OR2A1: variants seen among roughly 807,000 people sequenced by gnomAD.
OR2A1 encodes olfactory receptor family 2 subfamily A member 1, also known as olfactory receptor 2A1/2A42.
For missense variants in OR2A1, 1 was observed against 212.3 expected (o/e 0.00, Z 6.19); for synonymous variants, 2 against 94.7 (o/e 0.02, Z 5.68).
rs368083538 is a variant in OR2A1, at chr7:144,320,426, G to GCGCGCA, written c.*1370_*1371insGCGCAC. 2 of 124,192 alleles carry GCGCGCA rather than the reference G, an allele frequency of 1.6e-5. No individual in the cohort carries two copies. Among genetic ancestry groups the GCGCGCA allele is most frequent in the African/African-American group, 7.7e-5 (2 of 26,128 alleles). The allele number at this position is 124,192 out of a possible 1,614,324, so 7.7% of individuals were successfully genotyped here. On this transcript the variant is annotated 3_prime_UTR_variant, in exon 2 of 2. Transcript: ENST00000641044. ...CTCACATGCTCACGTACATGCGTGTGCACACACACACACACACACACACAT... is the reference window on the plus strand; with the variant it reads ...CTCACATGCTCACGTACATGCGTGTGCGCGCACACACACACACACACACACACACAT...
intron 1 of OR2A1, among the ~76,000 whole-genome samples, chr7:144,313,300 C>A (rs1388692118): frequency 1.0e-5 from 1 of 97,712 alleles, no homozygotes. Flanking sequence ...CTACCATATT[C>A]CAGGCACAAT....
intron 1 of OR2A1, among the ~76,000 whole-genome samples, chr7:144,313,417 T>G (rs1282268509): frequency 2.4e-5 from 2 of 84,450 alleles, no homozygotes; most frequent in Non-Finnish European, 4.5e-5. Flanking sequence ...TTGTTGTTTG[T>G]TTTTTTACCA....
intron 1 of OR2A1, among the ~76,000 whole-genome samples, chr7:144,316,060 C>G (rs1487718878): frequency 1.4e-5 from 2 of 147,794 alleles, no homozygotes; most frequent in African/African-American, 4.9e-5. Context: ...CATTTCACAA[C>G]CAAATATTTC....
intron 1 of OR2A1, among the ~76,000 whole-genome samples, chr7:144,313,413 T>TTTGTTTGC: frequency 1.3e-5 from 1 of 76,054 alleles, no homozygotes; most frequent in Non-Finnish European, 2.4e-5. Context: ...TTTGTTGTTG[T>TTTGTTTGC]TTGTTTTTTT....
Position 144,315,379 on chromosome 7 carries a change from C to A in OR2A1, c.-4-2742C>A, listed in dbSNP as rs1482765419. ...TGGTTAAAAAAACTATGCATTCATT[C>A]ATTTATTCATTTGTATTTATTCATT... is the stretch of plus-strand genomic sequence containing the variant. On this transcript the variant is annotated intron_variant, in intron 1 of 1. Coordinates refer to ENST00000641044, the MANE Select transcript of OR2A1 (RefSeq NM_001005287.2). Among the ~76,000 whole-genome samples, 2 of 56,384 alleles carry A rather than the reference C, an allele frequency of 3.5e-5. 1 individual carries two copies. Among genetic ancestry groups the A allele is most frequent in the Non-Finnish European group, 7.0e-5 (2 of 28,708 alleles). 37.0% of individuals were successfully genotyped at this position (56,384 alleles called of 152,430 possible). A position where few individuals can be genotyped will look rare whatever the true frequency, so the allele number is the denominator to read the frequency against.
chr7:144,313,427 A>G lies in OR2A1; in HGVS notation c.-5+880A>G, dbSNP rs544218796. 2.2e-3 allele frequency among the ~76,000 whole-genome samples: 183 copies of G among 84,062 alleles called. 5 individuals are homozygous for G. The highest frequency in any genetic ancestry group is 7.1e-3 in the African/African-American group (119 of 16,714). The allele number at this position is 84,062 out of a possible 152,430, so 55.1% of individuals were successfully genotyped here. ...TTTTGTTGTTGTTTGTTTTTTTACCATCTTTGGACTGAATCTGGAATTTCT... is the reference window on the plus strand; with the variant it reads ...TTTTGTTGTTGTTTGTTTTTTTACCGTCTTTGGACTGAATCTGGAATTTCT... On this transcript the variant is annotated intron_variant, in intron 1 of 1. Transcript: ENST00000641044.
At position 144,320,823 on chromosome 7, in the gene OR2A1, CA is replaced by C. The variant is rs1294230529; in HGVS notation, c.*1769del. On this transcript the variant is annotated 3_prime_UTR_variant, in exon 2 of 2. Coordinates refer to ENST00000641044, the MANE Select transcript of OR2A1 (RefSeq NM_001005287.2). ...GGGGAAAAACAAACAAACAAACAAA[CA>C]AACAAACAAAAAACAGCTTTTTTTA... 3 of 44,978 alleles carry C rather than the reference CA, an allele frequency of 6.7e-5. No individual in the cohort carries two copies. Among genetic ancestry groups the C allele is most frequent in the South Asian group, 6.3e-4 (1 of 1,578 alleles). The allele number at this position is 44,978 out of a possible 1,614,324, so 2.8% of individuals were successfully genotyped here.
In OR2A1 at chr7:144,321,802, G is replaced by A. The variant is rs536027044; in HGVS notation, c.*2745G>A. ...GATAAACTGTTATGATTACCCTGCTGTCAGAAGTTATTTTAATCCTGTCAG... is the reference window on the plus strand; with the variant it reads ...GATAAACTGTTATGATTACCCTGCTATCAGAAGTTATTTTAATCCTGTCAG... On this transcript the variant is annotated 3_prime_UTR_variant, in exon 2 of 2. Coordinates refer to ENST00000641044, the MANE Select transcript of OR2A1 (RefSeq NM_001005287.2). The A allele has an allele frequency of 6.7e-6, 1 of 148,938 alleles. No homozygotes were observed. The highest frequency in any genetic ancestry group is 2.5e-5 in the African/African-American group (1 of 39,598). The allele number at this position is 148,938 out of a possible 1,614,324, so 9.2% of individuals were successfully genotyped here.
upstream of OR2A1, among the ~76,000 whole-genome samples, chr7:144,312,201 GA>G (rs1467414467): frequency 3.1e-4 from 29 of 94,002 alleles, 9 homozygotes; most frequent in Non-Finnish European, 4.6e-4. Flanking sequence ...AACAGAAATA[GA>G]AAAAACCAAT....
Position 144,321,414 on chromosome 7 carries a change from G to C in OR2A1, c.*2357G>C, listed in dbSNP as rs1344407427. On this transcript the variant is annotated 3_prime_UTR_variant, in exon 2 of 2. Transcript: ENST00000641044. ...GATGAATACTCCCCTGGTACCAGAG[G>C]AGCAGCAGGAAATCATGGTGTGCAG... 1.4e-5 allele frequency: 2 copies of C among 146,016 alleles called. No individual in the cohort carries two copies. Among genetic ancestry groups the C allele is most frequent in the East Asian group, 3.9e-4 (2 of 5,116 alleles). The allele number at this position is 146,016 out of a possible 1,614,324, so 9.0% of individuals were successfully genotyped here.
In OR2A1 at chr7:144,320,841, C is replaced by CT. The variant is rs1163887094; in HGVS notation, c.*1791dup. The CT allele has an allele frequency of 4.8e-5, 2 of 42,002 alleles. No homozygotes were observed. The highest frequency in any genetic ancestry group is 2.3e-4 in the Admixed American group (1 of 4,346). 2.6% of individuals were successfully genotyped at this position (42,002 alleles called of 1,614,324 possible). A position where few individuals can be genotyped will look rare whatever the true frequency, so the allele number is the denominator to read the frequency against. On this transcript the variant is annotated 3_prime_UTR_variant, in exon 2 of 2. Coordinates refer to ENST00000641044, the MANE Select transcript of OR2A1 (RefSeq NM_001005287.2). Reference sequence around the variant, plus strand: ...AAACAAACAAACAAACAAAAAACAGCTTTTTTTATACTGGTGCGTGAAATG... The same window carrying CT: ...AAACAAACAAACAAACAAAAAACAGCTTTTTTTTATACTGGTGCGTGAAATG...
chr7:144,313,481 C>T (rs1336438644), intron 1 of OR2A1, among the ~76,000 whole-genome samples: 4 of 136,212 alleles, frequency 2.9e-5, no homozygotes, highest in African/African-American at 5.4e-5. Context: ...CTACTATAAT[C>T]GGTATACTTG....
chr7:144,316,024 A>AT (rs1369406204), intron 1 of OR2A1, among the ~76,000 whole-genome samples: 5 of 139,482 alleles, frequency 3.6e-5, no homozygotes, highest in Non-Finnish European at 7.9e-5. Context: ...ATAAATAAAG[A>AT]TGTTTATAAG....
At chr7:144,316,851 T>TG (rs2053090671) in intron 1 of OR2A1, among the ~76,000 whole-genome samples, 1 of 382 alleles carries the variant, frequency 2.6e-3, no homozygotes, top group African/African-American at 9.4e-3. Flanking sequence ...CCAGAGAAGC[T>TG]TTTTCTTCAG....
chr7:144,313,420 T>TTTGTTTG lies in OR2A1; in HGVS notation c.-5+875_-5+876insGTTTGTT, dbSNP rs1178035536. Among the ~76,000 whole-genome samples, 7 of 68,614 alleles carry TTTGTTTG rather than the reference T, an allele frequency of 1.0e-4. No homozygotes were observed. In the East Asian group the frequency reaches 1.9e-3, roughly 19 times the overall value. The allele number at this position is 68,614 out of a possible 152,430, so 45.0% of individuals were successfully genotyped here. A position where few individuals can be genotyped will look rare whatever the true frequency, so the allele number is the denominator to read the frequency against. On this transcript the variant is annotated intron_variant, in intron 1 of 1. Transcript: ENST00000641044. ...TGGTTTTTTTTGTTGTTGTTTGTTT[T>TTTGTTTG]TTTACCATCTTTGGACTGAATCTGG... is the stretch of plus-strand genomic sequence containing the variant.
chr7:144,314,561 C>T (rs2053057299), intron 1 of OR2A1, among the ~76,000 whole-genome samples: 1 of 87,238 alleles, frequency 1.1e-5, no homozygotes, highest in South Asian at 3.2e-4. Context: ...TATTAAACTA[C>T]TGGTGTCAAG....
chr7:144,315,773 G>A (rs1339896843), intron 1 of OR2A1, among the ~76,000 whole-genome samples: 1 of 104,076 alleles, frequency 9.6e-6, no homozygotes, highest in African/African-American at 2.9e-5. Context: ...GGTGGGAGGA[G>A]CACTTGAACC....
chr7:144,316,173 T>C (rs1417927397), intron 1 of OR2A1, among the ~76,000 whole-genome samples: 1 of 150,790 alleles, frequency 6.6e-6, no homozygotes, highest in Admixed American at 6.8e-5. Context: ...CCATGTGTTA[T>C]GAAGTTACAA....
Position 144,321,899 on chromosome 7 carries a change from C to A in OR2A1, c.*2842C>A, listed in dbSNP as rs1473514130. ...GAAGAGCATTGGTGCTGGTAGGTCA[C>A]CTACGCCTTTGCCCTCATGGCTTCC... On this transcript the variant is annotated 3_prime_UTR_variant, in exon 2 of 2. Transcript: ENST00000641044. The A allele has an allele frequency of 7.9e-6, 1 of 127,124 alleles. No homozygotes were observed. The highest frequency in any genetic ancestry group is 2.0e-4 in the East Asian group (1 of 5,016). The allele number at this position is 127,124 out of a possible 1,614,324, so 7.9% of individuals were successfully genotyped here.
Sources: allele counts gnomAD v4.1 joint callset (sites outside exome capture counted in the v4.1 genomes callset), GRCh38; gene constraint gnomAD v4.1.1; transcripts MANE v1.5; gene names NCBI Gene and HGNC (gene_info 2026-07-23, HGNC 2026-07-21).